The following OSBPL10 variants were observed in gnomAD, a reference collection of about 807,000 sequenced individuals.
OSBPL10 encodes the protein oxysterol binding protein like 10.
A neutral mutation model predicts 81.7 loss-of-function variants in OSBPL10; 49 were observed. That is an observed-to-expected ratio of 0.60 (90% CI 0.48 to 0.76). OSBPL10 has a LOEUF of 0.76. OSBPL10 is among the 30% of genes least tolerant of loss of function. The pLI is 0.00. For synonymous variants in OSBPL10, 419 were observed against 383.6 expected, an observed-to-expected ratio of 1.09 and a Z score of -1.08; for missense variants, 923 against 987.8, an observed-to-expected ratio of 0.93 and a Z score of 0.88.
At chr3:31,752,844 A>T (rs1697760648) in intron 4 of OSBPL10, among the ~76,000 whole-genome samples, 1 of 152,226 alleles carries the variant, frequency 6.6e-6, no homozygotes, top group African/African-American at 2.4e-5. Flanking sequence ...CAAATTTGAC[A>T]ACTTCAGTCA....
chr3:32,028,981 C>CACACAT (rs1553650069), intron 2 of OSBPL10, among the ~76,000 whole-genome samples: 6 of 148,942 alleles, frequency 4.0e-5, no homozygotes, highest in Non-Finnish European at 7.4e-5. Context: ...CACACACACA[C>CACACAT]ACACACACCA....
chr3:31,973,996 C>A (rs886899822), intron 1 of OSBPL10, among the ~76,000 whole-genome samples: 5 of 152,154 alleles, frequency 3.3e-5, no homozygotes, highest in Non-Finnish European at 5.9e-5. Flanking sequence ...GCATAATACA[C>A]CGTGTCTCTA....
At chr3:31,977,546 C>A (rs1426613311) in intron 1 of OSBPL10, among the ~76,000 whole-genome samples, 1 of 152,206 alleles carries the variant, frequency 6.6e-6, no homozygotes, top group Non-Finnish European at 1.5e-5. Context: ...GGTTTACTCT[C>A]CCCATGGTTC....
intron 7 of OSBPL10, among the ~76,000 whole-genome samples, chr3:31,692,186 G>A (rs1010427975): frequency 1.3e-5 from 2 of 152,120 alleles, no homozygotes; most frequent in African/African-American, 4.8e-5. Flanking sequence ...ATTCAGTTGG[G>A]AGCAGAACGT....
intron 1 of OSBPL10, among the ~76,000 whole-genome samples, chr3:31,956,034 G>C (rs1380175102): frequency 1.3e-5 from 2 of 152,236 alleles, no homozygotes; most frequent in Non-Finnish European, 2.9e-5. Flanking sequence ...TTAGAGACAG[G>C]CTGTGTTGTT....
intron 1 of OSBPL10, among the ~76,000 whole-genome samples, chr3:32,074,828 C>A (rs1699860733): frequency 6.6e-6 from 1 of 152,198 alleles, no homozygotes; most frequent in African/African-American, 2.4e-5. Flanking sequence ...CACCCTCTAA[C>A]CTTTTCACTT....
At chr3:31,868,433 C>T (rs529037628) in intron 3 of OSBPL10, among the ~76,000 whole-genome samples, 50 of 152,180 alleles carry the variant, frequency 3.3e-4, no homozygotes, top group South Asian at 6.3e-4. Flanking sequence ...GCACCACATT[C>T]CACCTCCCCC....
At chr3:31,816,104 T>TAA (rs10663167) in intron 4 of OSBPL10, among the ~76,000 whole-genome samples, 105,584 of 151,794 alleles carry the variant, frequency 0.7, 37,153 homozygotes, top group East Asian at 0.93. Context: ...TTGAAAGGTA[T>TAA]AAAGTCAGTC....
intron 4 of OSBPL10, chr3:31,795,567 T>C (rs1290141411): frequency 5.3e-6 from 1 of 187,868 alleles, no homozygotes. Flanking sequence ...TCAGTAATCA[T>C]CAGTGAATTC....
chr3:31,707,371 C>T (rs1696104320), intron 6 of OSBPL10: 1 of 152,190 alleles, frequency 6.6e-6, no homozygotes, highest in African/African-American at 2.4e-5. Context: ...TGCAACTTTC[C>T]TGAAAACCTA....
intron 6 of OSBPL10, among the ~76,000 whole-genome samples, chr3:31,727,565 A>C (rs927572884): frequency 2.6e-5 from 4 of 152,150 alleles, no homozygotes; most frequent in African/African-American, 9.7e-5. Context: ...TTGGAGTTAA[A>C]CTCTGTGAGG....
intron 5 of OSBPL10, among the ~76,000 whole-genome samples, chr3:31,737,939 C>G (rs1697234500): frequency 6.6e-6 from 1 of 151,660 alleles, no homozygotes; most frequent in South Asian, 2.1e-4. Context: ...TTGCAGTGAG[C>G]CGAGATCATG....
At chr3:32,000,476 C>T (rs933555767) in intron 2 of OSBPL10, among the ~76,000 whole-genome samples, 3 of 152,086 alleles carry the variant, frequency 2.0e-5, no homozygotes, top group African/African-American at 4.8e-5. Context: ...TCTGTGAGGG[C>T]GAAATGAAAT....
chr3:31,833,196 T>G (rs1254026442), intron 3 of OSBPL10, among the ~76,000 whole-genome samples: 1 of 152,158 alleles, frequency 6.6e-6, no homozygotes, highest in Non-Finnish European at 1.5e-5. Context: ...CAGCGAGGCT[T>G]ATTCCAGTCC....
intron 1 of OSBPL10, among the ~76,000 whole-genome samples, chr3:31,896,108 T>C (rs1181412610): frequency 1.3e-5 from 2 of 152,202 alleles, no homozygotes; most frequent in Admixed American, 6.5e-5. Flanking sequence ...ACTCCAAGAA[T>C]TGTATGACAG....
intron 1 of OSBPL10, among the ~76,000 whole-genome samples, chr3:31,941,520 C>T (rs1032365405): frequency 1.3e-5 from 2 of 152,254 alleles, no homozygotes; most frequent in Middle Eastern, 3.4e-3. Flanking sequence ...GGAAACGTAC[C>T]AAGAGCTCAA....
intron 6 of OSBPL10, among the ~76,000 whole-genome samples, chr3:31,730,738 G>A (rs900336988): frequency 2.6e-5 from 4 of 152,146 alleles, no homozygotes; most frequent in African/African-American, 9.7e-5. Flanking sequence ...TTCAAAATGC[G>A]TTACTGTTTC....
intron 7 of OSBPL10, among the ~76,000 whole-genome samples, chr3:31,694,370 CAAAAAAAAAAAAA>C (rs747631578): frequency 3.2e-5 from 2 of 62,828 alleles, no homozygotes; most frequent in South Asian, 9.4e-4. Flanking sequence ...GACTCTGTCT[CAAAAAAAAAAAAA>C]AAAAAAAAAA....
At chr3:31,825,701 G>A (rs190474552) in intron 4 of OSBPL10, among the ~76,000 whole-genome samples, 182 of 152,258 alleles carry the variant, frequency 1.2e-3, no homozygotes, top group African/African-American at 4.2e-3. Flanking sequence ...GTTTTTATGA[G>A]ATAGTGGAAA....
Sources: allele counts gnomAD v4.1 joint callset (sites outside exome capture counted in the v4.1 genomes callset), GRCh38; gene constraint gnomAD v4.1.1; transcripts MANE v1.5; gene names NCBI Gene and HGNC (gene_info 2026-07-23, HGNC 2026-07-21).